The following PRRT1B variants were observed in gnomAD, a reference collection of about 807,000 sequenced individuals.
The protein encoded by PRRT1B is proline rich transmembrane protein 1B, also known as dispanin subfamily D member 2.
At chr9:131,554,801 G>A (rs932091560) in exon 2 of PRRT1B, 9 of 348,670 alleles carry the variant, frequency 2.6e-5, no homozygotes, top group African/African-American at 1.7e-4. Flanking sequence ...TTTCCAAGGC[G>A]GCGGCCGGCG....
At chr9:131,548,339 C>T (rs1950988994) in intron 1 of PRRT1B, among the ~76,000 whole-genome samples, 1 of 152,110 alleles carries the variant, frequency 6.6e-6, no homozygotes, top group Non-Finnish European at 1.5e-5. Flanking sequence ...TCCTTCTTCT[C>T]CCTTAGCCTG....
intron 3 of PRRT1B, among the ~76,000 whole-genome samples, chr9:131,557,420 C>T (rs1436101936): frequency 6.6e-6 from 1 of 152,170 alleles, no homozygotes; most frequent in African/African-American, 2.4e-5. Flanking sequence ...GCACCTTAGT[C>T]CCAGCTACTC....
chr9:131,556,220 G>GC lies in PRRT1B; in HGVS notation c.642+8dup, dbSNP rs1003633931. On this transcript the variant is annotated splice_region_variant and intron_variant, in intron 3 of 3. Coordinates refer to ENST00000636672, the Ensembl canonical transcript of PRRT1B. ...CATCGTCTACTCCCACGAGGTAGGT[G>GC]CGGGGGCGGCCCTGGGCACAGCCTC... is the stretch of plus-strand genomic sequence containing the variant. 1.4e-4 allele frequency: 57 copies of GC among 399,868 alleles called. No homozygotes were observed. Among genetic ancestry groups the GC allele is most frequent in the Middle Eastern group, 3.1e-4 (1 of 3,224 alleles). 24.8% of individuals were successfully genotyped at this position (399,868 alleles called of 1,614,324 possible). A position where few individuals can be genotyped will look rare whatever the true frequency, so the allele number is the denominator to read the frequency against.
exon 2 of PRRT1B, chr9:131,554,615 G>A (rs1360068590): frequency 1.0e-5 from 4 of 395,228 alleles, no homozygotes; most frequent in Non-Finnish European, 8.9e-6. Flanking sequence ...GGAGCCCCGC[G>A]AAGCCCGCCG....
intron 1 of PRRT1B, among the ~76,000 whole-genome samples, chr9:131,547,461 C>A (rs986839557): frequency 6.6e-6 from 1 of 152,186 alleles, no homozygotes; most frequent in Non-Finnish European, 1.5e-5. Flanking sequence ...CCCCCTTTGA[C>A]TGTAATTTTC....
intron 2 of PRRT1B, 145 bp downstream of exon 2, chr9:131,555,174 G>A (rs1951040875): frequency 2.8e-6 from 1 of 360,206 alleles, no homozygotes; most frequent in African/African-American, 2.2e-5. Flanking sequence ...ATTTGAGCGG[G>A]GTTTTGGAGG....
exon 2 of PRRT1B, chr9:131,554,761 C>G (rs1462070121): frequency 3.1e-6 from 1 of 320,184 alleles, no homozygotes; most frequent in East Asian, 5.0e-5. Context: ...GAGGACGCCC[C>G]GGCCCAGGCG....
chr9:131,549,730 T>C (rs1950998291), intron 1 of PRRT1B, among the ~76,000 whole-genome samples: 1 of 152,186 alleles, frequency 6.6e-6, no homozygotes, highest in African/African-American at 2.4e-5. Context: ...GTTGTAGGTA[T>C]TGACAGCCAG....
chr9:131,546,431 C>A (rs997695676), intron 1 of PRRT1B, among the ~76,000 whole-genome samples: 2 of 152,096 alleles, frequency 1.3e-5, no homozygotes, highest in Admixed American at 1.3e-4. Flanking sequence ...GGAACCGAGA[C>A]CTCGTCCTTG....
intron 1 of PRRT1B, among the ~76,000 whole-genome samples, chr9:131,550,247 G>A (rs1298772084): frequency 2.6e-5 from 4 of 152,040 alleles, no homozygotes; most frequent in African/African-American, 9.7e-5. Flanking sequence ...TATCCACCCC[G>A]TGATGCCAAA....
At chr9:131,550,782 C>T (rs145458665) in intron 1 of PRRT1B, among the ~76,000 whole-genome samples, 9 of 152,198 alleles carry the variant, frequency 5.9e-5, no homozygotes, top group African/African-American at 2.2e-4. Flanking sequence ...TGCTCAACTC[C>T]CTCTCTAATC....
intron 1 of PRRT1B, among the ~76,000 whole-genome samples, chr9:131,548,883 A>G (rs1164455056): frequency 3.3e-5 from 5 of 152,114 alleles, no homozygotes; most frequent in African/African-American, 1.2e-4. Context: ...ATTTCCTCTT[A>G]AAAAGGTGGC....
intron 1 of PRRT1B, among the ~76,000 whole-genome samples, chr9:131,548,249 C>T (rs1950988491): frequency 6.6e-6 from 1 of 152,000 alleles, no homozygotes; most frequent in South Asian, 2.1e-4. Flanking sequence ...GCAAGCATCC[C>T]CCACCCCTTC....
chr9:131,557,149 C>CTCCA (rs1323076897), intron 3 of PRRT1B, among the ~76,000 whole-genome samples: 1 of 152,080 alleles, frequency 6.6e-6, no homozygotes, highest in African/African-American at 2.4e-5. Flanking sequence ...TCTCTCTACT[C>CTCCA]TCCATCCATC....
intron 1 of PRRT1B, among the ~76,000 whole-genome samples, chr9:131,547,992 G>A (rs991103486): frequency 3.6e-4 from 54 of 152,078 alleles, no homozygotes; most frequent in African/African-American, 1.3e-3. Flanking sequence ...TAATCATTGC[G>A]GGGACTCCTG....
rs558004957 is a variant in PRRT1B, at chr9:131,551,795, A to G, written c.26-2762A>G. Among the ~76,000 whole-genome samples, 1 of 139,798 alleles carries G rather than the reference A, an allele frequency of 7.2e-6. No individual in the cohort carries two copies. The highest frequency in any genetic ancestry group is 2.1e-4 in the East Asian group (1 of 4,822). 91.7% of individuals were successfully genotyped at this position (139,798 alleles called of 152,430 possible). On this transcript the variant is annotated intron_variant, in intron 1 of 3. Coordinates refer to ENST00000636672, the Ensembl canonical transcript of PRRT1B. The surrounding 1 kb of genome is among the most constrained non-coding windows in gnomAD (Gnocchi z 4.4). ...CTTTGACTGTAATTTTCCTTTACCT[A>G]CGCAAATCCTATAAGACGGCCCACC...
intron 2 of PRRT1B, among the ~76,000 whole-genome samples, 160 bp from the exon 3 acceptor site, chr9:131,555,910 A>AG (rs1318625374): frequency 6.6e-6 from 1 of 152,054 alleles, no homozygotes; most frequent in Non-Finnish European, 1.5e-5. Flanking sequence ...GAGAGGGCAG[A>AG]GGGGCACCCT....
At chr9:131,548,022 T>C (rs915824074) in intron 1 of PRRT1B, among the ~76,000 whole-genome samples, 1 of 152,180 alleles carries the variant, frequency 6.6e-6, no homozygotes, top group Non-Finnish European at 1.5e-5. Flanking sequence ...ACACCCACAA[T>C]CCATTGGTAT....
At position 131,551,052 on chromosome 9, in the gene PRRT1B, T is replaced by C. The variant is rs533953115; in HGVS notation, c.26-3505T>C. Among the ~76,000 whole-genome samples, 20 of 150,324 alleles carry C rather than the reference T, an allele frequency of 1.3e-4. No homozygotes were observed. The South Asian group carries it at 3.6e-3, about 27-fold the overall frequency. On this transcript the variant is annotated intron_variant, in intron 1 of 3. Transcript: ENST00000636672. The surrounding 1 kb of genome is among the most constrained non-coding windows in gnomAD (Gnocchi z 4.4). Reference sequence around the variant, plus strand: ...CTGCCTCCCGGGTTCACGCCATTCTTCTGCCTCAGCCTCCCGAGTAGCTGG... The same window carrying C: ...CTGCCTCCCGGGTTCACGCCATTCTCCTGCCTCAGCCTCCCGAGTAGCTGG...
Sources: gnomAD v4.1 joint callset for allele counts (sites outside exome capture counted in the v4.1 genomes callset) on GRCh38, gnomAD v4.1.1 for gene constraint, Gnocchi (gnomAD v3.1) non-coding constraint, MANE v1.5 for transcripts, NCBI Gene and HGNC (gene_info 2026-07-23, HGNC 2026-07-21) for gene names.